Variants in DYNC1LI2 observed in about 807,000 individuals in gnomAD.
DYNC1LI2 encodes cytoplasmic dynein 1 light intermediate chain 2.
A neutral mutation model predicts 57.8 loss-of-function variants in DYNC1LI2; 19 were observed. That is an observed-to-expected ratio of 0.33 (90% CI 0.23 to 0.48). The LOEUF (loss-of-function observed/expected upper bound fraction) is 0.48, where lower values mean the gene tolerates loss of function less well. DYNC1LI2 is among the 20% of genes least tolerant of loss of function. The pLI is 0.99. For missense variants in DYNC1LI2, 470 were observed against 604.2 expected (o/e 0.78, Z 2.33); for synonymous variants, 256 against 233.4 (o/e 1.10, Z -0.88).
intron 4 of DYNC1LI2, among the ~76,000 whole-genome samples, chr16:66,737,734 A>G (rs1327142175): frequency 6.6e-6 from 1 of 152,320 alleles, no homozygotes; most frequent in East Asian, 1.9e-4. Context: ...TACAACATCC[A>G]CTTATTGGCA....
intron 7 of DYNC1LI2, 199 bp from the exon 8 acceptor site, chr16:66,730,422 A>C (rs1479322127): frequency 1.0e-5 from 5 of 488,404 alleles, no homozygotes; most frequent in African/African-American, 5.9e-5. Flanking sequence ...GTCCTGCTCC[A>C]TACTGAGTTC....
chr16:66,733,294 G>A (rs2017671696), intron 6 of DYNC1LI2: 1 of 152,236 alleles, frequency 6.6e-6, no homozygotes, highest in African/African-American at 2.4e-5. Flanking sequence ...AGACACAGTG[G>A]CTCACGCCTG....
Position 66,732,635 on chromosome 16 carries a change from T to C in DYNC1LI2, c.794-161A>G, listed in dbSNP as rs537445305. On this transcript the variant is annotated intron_variant, in intron 6 of 12. Transcript: ENST00000258198. Reference sequence around the variant, plus strand: ...AAACTAAAACGCTTATAGTATTACATAGGCATACTGCACACTGGTAAAAAT... The same window carrying C: ...AAACTAAAACGCTTATAGTATTACACAGGCATACTGCACACTGGTAAAAAT... 353 of 587,076 alleles carry C rather than the reference T, an allele frequency of 6.0e-4. 1 individual carries two copies. The highest frequency in any genetic ancestry group is 1.4e-3 in the Middle Eastern group (3 of 2,094). 36.4% of individuals were successfully genotyped at this position (587,076 alleles called of 1,614,324 possible). A position where few individuals can be genotyped will look rare whatever the true frequency, so the allele number is the denominator to read the frequency against.
intron 6 of DYNC1LI2, chr16:66,733,602 G>A (rs915722025): frequency 6.5e-6 from 1 of 152,790 alleles, no homozygotes; most frequent in African/African-American, 2.4e-5. Context: ...CTACTTGGGA[G>A]GCTGAGGCAG....
intron 3 of DYNC1LI2, among the ~76,000 whole-genome samples, chr16:66,747,997 C>A (rs2017968824): frequency 6.6e-6 from 1 of 152,024 alleles, no homozygotes; most frequent in African/African-American, 2.4e-5. Flanking sequence ...TTGAAAAGAT[C>A]TAACATAGGC....
At chr16:66,749,688 C>T (rs1257250392) in intron 2 of DYNC1LI2, among the ~76,000 whole-genome samples, 3 of 152,128 alleles carry the variant, frequency 2.0e-5, no homozygotes, top group African/African-American at 7.2e-5. Flanking sequence ...AACAAGAAAT[C>T]TTCAAAATAT....
rs1377556128 is a variant in DYNC1LI2 at position 66,742,486 on chromosome 16, C to A, written c.481G>T (p.Asp161Tyr). Residue 161 changes from aspartate to tyrosine, a missense_variant, in exon 4 of 13, where the codon GAT becomes TAT. By Grantham distance (160) the Asp-to-Tyr change is radical. Transcript: ENST00000258198. ...TTTTCTGGTGGAATTTTCATTTTATCAATGTGCTCACGTAAAACACTAGCC... is the reference window on the plus strand; with the variant it reads ...TTTTCTGGTGGAATTTTCATTTTATAAATGTGCTCACGTAAAACACTAGCC... ...KWASVLREHI[D>Y]KMKIPPEKMR... 1 of 1,614,140 alleles carries A rather than the reference C, an allele frequency of 6.2e-7. No individual in the cohort carries two copies. The highest frequency in any genetic ancestry group is 8.5e-7 in the Non-Finnish European group (1 of 1,180,000).
At chr16:66,729,339 A>G (rs999347788) in intron 8 of DYNC1LI2, among the ~76,000 whole-genome samples, 9 of 152,184 alleles carry the variant, frequency 5.9e-5, no homozygotes, top group Non-Finnish European at 1.0e-4. Flanking sequence ...GGTCTGCAGG[A>G]CATCACATGA....
chr16:66,747,082 ATTTT>A (rs10671755), intron 3 of DYNC1LI2, among the ~76,000 whole-genome samples: 1 of 142,830 alleles, frequency 7.0e-6, no homozygotes, highest in Non-Finnish European at 1.5e-5. Flanking sequence ...TGCCCTCAAC[ATTTT>A]TTTTTTTTTT....
chr16:66,733,914 C>A, intron 6 of DYNC1LI2: 1 of 314,596 alleles, frequency 3.2e-6, no homozygotes, highest in South Asian at 3.8e-5. Flanking sequence ...ATAATCCCAG[C>A]ACTTTCGGAG....
At position 66,725,864 on chromosome 16, in the gene DYNC1LI2, C is replaced by G; in HGVS notation, c.1342G>C (p.Gly448Arg). The change falls in exon 12 of 13, where the codon GGT becomes CGT. Residue 448 changes from glycine (G) to arginine (R), a missense_variant. By Grantham distance (125) the Gly-to-Arg change is moderately radical (BLOSUM62 -2). Coordinates refer to ENST00000258198, the MANE Select transcript of DYNC1LI2 (RefSeq NM_006141.3). ...SKKTGSPGSP[G>R]AGGVQSTAKK... ...GCTGTGCTCTGCACCCCACCAGCAC[C>G]AGGACTTCCAGGAGAGCCTGTCTTT... The G allele has an allele frequency of 6.2e-7, 1 of 1,614,154 alleles. No individual in the cohort carries two copies. Among genetic ancestry groups the G allele is most frequent in the Non-Finnish European group, 8.5e-7 (1 of 1,180,010 alleles).
intron 3 of DYNC1LI2, among the ~76,000 whole-genome samples, chr16:66,745,833 G>C (rs1281240370): frequency 6.6e-6 from 1 of 151,904 alleles, no homozygotes; most frequent in East Asian, 2.0e-4. Flanking sequence ...GAGCTCGGGA[G>C]GTGGAGGTTG....
At chr16:66,748,508 T>C (rs2017981267) in intron 3 of DYNC1LI2, among the ~76,000 whole-genome samples, 1 of 152,132 alleles carries the variant, frequency 6.6e-6, no homozygotes, top group African/African-American at 2.4e-5. Context: ...TTAAAGAATA[T>C]TACCACCTCT....
chr16:66,732,073 T>C (rs1253978614), intron 7 of DYNC1LI2: 2 of 402,052 alleles, frequency 5.0e-6, no homozygotes, highest in East Asian at 4.2e-5. Flanking sequence ...GCCAGTATTT[T>C]ACCAGAGTTG....
chr16:66,735,592 C>G (rs1043868592), intron 5 of DYNC1LI2, among the ~76,000 whole-genome samples: 1 of 151,952 alleles, frequency 6.6e-6, no homozygotes. Context: ...CTGCAAGCTC[C>G]ACCTCCTGGG....
intron 5 of DYNC1LI2, among the ~76,000 whole-genome samples, chr16:66,735,291 G>C (rs900315067): frequency 6.6e-6 from 1 of 151,626 alleles, no homozygotes; most frequent in African/African-American, 2.4e-5. Flanking sequence ...AGTAGAGACA[G>C]GGTTTCACCA....
At chr16:66,739,486 G>C (rs189931456) in intron 4 of DYNC1LI2, among the ~76,000 whole-genome samples, 106 of 152,252 alleles carry the variant, frequency 7.0e-4, no homozygotes, top group African/African-American at 2.5e-3. Context: ...CTGTTGCCCA[G>C]GCTGCGGGGC....
chr16:66,732,131 C>T (rs991364526), intron 7 of DYNC1LI2: 4 of 570,524 alleles, frequency 7.0e-6, no homozygotes, highest in African/African-American at 1.9e-5. Context: ...AACTTGCTCT[C>T]GAGGAAGAAA....
At position 66,723,292 on chromosome 16, in the gene DYNC1LI2, T is replaced by G; in HGVS notation, c.*430A>C. 2.2e-6 allele frequency: 1 copy of G among 455,862 alleles called. No homozygotes were observed. Among genetic ancestry groups the G allele is most frequent in the East Asian group, 7.0e-5 (1 of 14,388 alleles). The allele number at this position is 455,862 out of a possible 1,614,324, so 28.2% of individuals were successfully genotyped here. Reference sequence around the variant, plus strand: ...GTCTCATTACTCCTTCTGGTCTTTCTTTCCTGGACTTTCTGCTACTTAATC... The same window carrying G: ...GTCTCATTACTCCTTCTGGTCTTTCGTTCCTGGACTTTCTGCTACTTAATC... On this transcript the variant is annotated 3_prime_UTR_variant, in exon 13 of 13. Coordinates refer to ENST00000258198, the MANE Select transcript of DYNC1LI2 (RefSeq NM_006141.3).
Sources: gnomAD v4.1 joint callset for allele counts (sites outside exome capture counted in the v4.1 genomes callset) on GRCh38, gnomAD v4.1.1 for gene constraint, MANE v1.5 for transcripts, NCBI Gene and HGNC (gene_info 2026-07-23, HGNC 2026-07-21) for gene names.